Variants in AP1G2 observed in about 807,000 individuals in gnomAD.
The protein encoded by AP1G2 is AP-1 complex subunit gamma-like 2.
Under a neutral mutation model 95.8 loss-of-function variants are expected in AP1G2, and 85 were observed. That is an observed-to-expected ratio of 0.89 (90% CI 0.74 to 1.06). The LOEUF is 1.06. Ranked by LOEUF, AP1G2 falls within the 50% of genes least tolerant of loss-of-function variation. The pLI is 0.00. For synonymous variants in AP1G2, 378 were observed against 400.0 expected (o/e 0.94, Z 0.66); for missense variants, 967 against 1,005.8 (o/e 0.96, Z 0.52).
intron 17 of AP1G2, 92 bp downstream of exon 17, chr14:23,561,870 A>G: frequency 6.6e-7 from 1 of 1,505,650 alleles, no homozygotes; most frequent in Non-Finnish European, 8.9e-7. Flanking sequence ...ATGGAAGAAC[A>G]CAGGTGAGGA....
intron 14 of AP1G2, 157 bp downstream of exon 14, chr14:23,563,223 T>A: frequency 6.9e-7 from 1 of 1,448,732 alleles, no homozygotes; most frequent in Non-Finnish European, 9.1e-7. Context: ...AAAGCCCAGA[T>A]GTTCTTAAAA....
rs966010510 is a variant in AP1G2 at position 23,563,364 on chromosome 14, T to C, written c.1410+16A>G. The stretch of plus-strand genomic sequence containing the variant: ...GTGGTTGGGCAGCCCTGGGCCTAGG[T>C]AGGTGGGAATGGTACCTGGGAAATG... On this transcript the variant is annotated intron_variant, in intron 14 of 21. Coordinates refer to ENST00000397120, the MANE Select transcript of AP1G2 (RefSeq NM_003917.5). 9.5e-6 allele frequency: 15 copies of C among 1,574,202 alleles called. No homozygotes were observed. The highest frequency in any genetic ancestry group is 1.4e-5 in the African/African-American group (1 of 73,832).
rs1315150339 is a variant in AP1G2, at chr14:23,567,696, C to A, written c.-6+43G>T. ...CCCCGATTTCCATCTCAGGCAGCGG[C>A]AGCGGCAGCGACAGCCTGCCTACCC... On this transcript the variant is annotated intron_variant, in intron 1 of 21. Coordinates refer to ENST00000397120, the MANE Select transcript of AP1G2 (RefSeq NM_003917.5). This position sits in a 1 kb window ranked among gnomAD's most constrained non-coding sequence, Gnocchi z 5.3. 1 of 1,043,152 alleles carries A rather than the reference C, an allele frequency of 9.6e-7. No homozygotes were observed. The highest frequency in any genetic ancestry group is 5.9e-5 in the Admixed American group (1 of 17,086). The allele number at this position is 1,043,152 out of a possible 1,614,324, so 64.6% of individuals were successfully genotyped here. A position where few individuals can be genotyped will look rare whatever the true frequency, so the allele number is the denominator to read the frequency against.
chr14:23,561,200 A>T, intron 19 of AP1G2, 96 bp downstream of exon 19: 1 of 1,470,202 alleles, frequency 6.8e-7, no homozygotes, highest in Non-Finnish European at 9.0e-7. Context: ...ACACAGGAAG[A>T]AGCAGGGTCC....
chr14:23,562,742 AT>A lies in AP1G2; in HGVS notation c.1411-150del, dbSNP rs1458356274. The A allele has an allele frequency of 1.1e-4, 76 of 704,040 alleles. No individual in the cohort carries two copies. In the Middle Eastern group the frequency reaches 1.2e-3, roughly 11 times the overall value. 43.6% of individuals were successfully genotyped at this position (704,040 alleles called of 1,614,324 possible). A position where few individuals can be genotyped will look rare whatever the true frequency, so the allele number is the denominator to read the frequency against. ...ACAAAGCGAGACCCCCCCCATCTCT[AT>A]TTTAAAAAAAAAAAGAGAGAGAGAG... On this transcript the variant is annotated intron_variant, in intron 14 of 21. Transcript: ENST00000397120.
chr14:23,566,281 C>T lies in AP1G2; in HGVS notation c.468G>A (p.Lys156=). The T allele has an allele frequency of 8.1e-6, 13 of 1,613,926 alleles. No homozygotes were observed. The highest frequency in any genetic ancestry group is 1.0e-5 in the Non-Finnish European group (12 of 1,179,976). The change falls in exon 4 of 22, where the codon AAG becomes AAA. Residue 156 remains lysine, a synonymous_variant. Transcript: ENST00000397120. ...GCCAGGAGTCCCGCCATCTCACCTTCTTGCGCACGTAGGGACTGGGCTGCA... is the reference window on the plus strand; with the variant it reads ...GCCAGGAGTCCCGCCATCTCACCTTTTTGCGCACGTAGGGACTGGGCTGCA... The part of the protein sequence containing the change: ...LLLQPSPYVR[K]KAILTAVHMI...
chr14:23,563,256 C>CT (rs1487747968), intron 14 of AP1G2, 124 bp downstream of exon 14: 4 of 1,494,392 alleles, frequency 2.7e-6, no homozygotes, highest in Non-Finnish European at 3.6e-6. Flanking sequence ...GCTCAGATGT[C>CT]TTCTGCACTG....
chr14:23,561,948 A>G lies in AP1G2; in HGVS notation c.1733+14T>C, dbSNP rs1219332589. ...GGGTTTGGGTCCCATGCTGCAGCAC[A>G]GTGCTGGACACACCTCATGTGGTCG... On this transcript the variant is annotated intron_variant, in intron 17 of 21. Transcript: ENST00000397120. 1.9e-6 allele frequency: 3 copies of G among 1,600,050 alleles called. No individual in the cohort carries two copies. Among genetic ancestry groups the G allele is most frequent in the Non-Finnish European group, 2.6e-6 (3 of 1,173,584 alleles).
rs570493159 is a variant in AP1G2, at chr14:23,562,467, C to A, written c.1500+37G>T. 4.3e-6 allele frequency: 7 copies of A among 1,612,608 alleles called. No homozygotes were observed. The African/African-American group carries it at 9.3e-5, about 22-fold the overall frequency. On this transcript the variant is annotated intron_variant, in intron 15 of 21. Coordinates refer to ENST00000397120, the MANE Select transcript of AP1G2 (RefSeq NM_003917.5). ...CCTGGTGCAAGTCCTGTCCCCCTGA[C>A]AAGTCCCTCCTCAGTGTACCCCCAA...
At chr14:23,566,840 G>C in intron 2 of AP1G2, 154 bp from the exon 3 acceptor site, 2 of 1,176,294 alleles carry the variant, frequency 1.7e-6, no homozygotes, top group Admixed American at 4.9e-5. Flanking sequence ...GGAAATTCAG[G>C]CGTTAGTGGG....
At chr14:23,565,957 C>T (rs781546382) in intron 5 of AP1G2, 65 bp from the exon 6 acceptor site, 10 of 1,607,054 alleles carry the variant, frequency 6.2e-6, no homozygotes, top group Non-Finnish European at 8.5e-6. Flanking sequence ...TGCGTGTGTG[C>T]CTGTGTGTGT....
Position 23,567,682 on chromosome 14 carries a change from AT to A in AP1G2, c.-6+56del. ...CCGCGAGCTTCCTCCCCCGATTTCC[AT>A]CTCAGGCAGCGGCAGCGGCAGCGAC... On this transcript the variant is annotated intron_variant, in intron 1 of 21. Coordinates refer to ENST00000397120, the MANE Select transcript of AP1G2 (RefSeq NM_003917.5). This position sits in a 1 kb window ranked among gnomAD's most constrained non-coding sequence, Gnocchi z 5.3. 1 of 916,112 alleles carries A rather than the reference AT, an allele frequency of 1.1e-6. No individual in the cohort carries two copies. The highest frequency in any genetic ancestry group is 1.3e-6 in the Non-Finnish European group (1 of 762,800). 56.7% of individuals were successfully genotyped at this position (916,112 alleles called of 1,614,324 possible).
In AP1G2 at chr14:23,567,642, C is replaced by T. The variant is rs1888721118; in HGVS notation, c.-6+97G>A. On this transcript the variant is annotated intron_variant, in intron 1 of 21. Coordinates refer to ENST00000397120, the MANE Select transcript of AP1G2 (RefSeq NM_003917.5). The surrounding 1 kb of genome is among the most constrained non-coding windows in gnomAD (Gnocchi z 5.3). ...CAGCCATTGCTTTTTTTTCCACGAC[C>T]CTCCGCTGTTTCTTCCGCGAGCTTC... The T allele has an allele frequency of 9.1e-7, 1 of 1,101,626 alleles. No homozygotes were observed. The highest frequency in any genetic ancestry group is 1.6e-5 in the African/African-American group (1 of 60,636). The allele number at this position is 1,101,626 out of a possible 1,614,324, so 68.2% of individuals were successfully genotyped here.
At chr14:23,565,079 T>C (rs761198981) in intron 8 of AP1G2, 40 bp downstream of exon 8, 27 of 1,606,600 alleles carry the variant, frequency 1.7e-5, no homozygotes, top group Non-Finnish European at 2.1e-5. Flanking sequence ...TGATGGGGTC[T>C]CCAAGCAACA....
Position 23,559,855 on chromosome 14 carries a change from G to A in AP1G2, c.2257-5C>T. The A allele has an allele frequency of 1.9e-6, 3 of 1,614,044 alleles. No individual in the cohort carries two copies. Among genetic ancestry groups the A allele is most frequent in the South Asian group, 1.1e-5 (1 of 91,068 alleles). ...CAGCTTTAGCCGCAGGGGGGCCTAGGAATAGGAGAGCAGGGACCAGGGTTA... is the reference window on the plus strand; with the variant it reads ...CAGCTTTAGCCGCAGGGGGGCCTAGAAATAGGAGAGCAGGGACCAGGGTTA... On this transcript the variant is annotated splice_region_variant and splice_polypyrimidine_tract_variant and intron_variant, in intron 21 of 21. Coordinates refer to ENST00000397120, the MANE Select transcript of AP1G2 (RefSeq NM_003917.5).
In AP1G2 at chr14:23,561,425, G is replaced by A; in HGVS notation, c.1864C>T (p.Gln622Ter). The A allele has an allele frequency of 6.2e-7, 1 of 1,610,936 alleles. No homozygotes were observed. The highest frequency in any genetic ancestry group is 8.5e-7 in the Non-Finnish European group (1 of 1,177,678). ...AGGAGATCTAGCAGATCCAGGAGCTGTGAGGCCTGGCAGAAGGGACAGAAG... is the reference window on the plus strand; with the variant it reads ...AGGAGATCTAGCAGATCCAGGAGCTATGAGGCCTGGCAGAAGGGACAGAAG... ...APVPTEPQAS[Q>*]LLDLLDLLDG... is the part of the protein sequence containing the mutation. The change falls in exon 19 of 22, where the codon CAG (glutamine) becomes TAG (stop). Residue 622 changes from glutamine (Q) to a stop codon, truncating the protein, a stop_gained. Coordinates refer to ENST00000397120, the MANE Select transcript of AP1G2 (RefSeq NM_003917.5). LOFTEE classifies it high-confidence loss of function.
rs1886683117 is a variant in AP1G2 at position 23,564,361 on chromosome 14, A to C, written c.949T>G (p.Phe317Val). The change falls in exon 10 of 22, where the codon TTC becomes GTC. Residue 317 changes from phenylalanine (F) to valine (V), a missense_variant. Phe to Val is a conservative substitution (Grantham distance 50). Transcript: ENST00000397120. Reference protein sequence around the residue: ...RVLAVNILGRFLLNSDRNIRY... With the variant: ...RVLAVNILGRVLLNSDRNIRY... ...ATGTTCCTGTCACTGTTGAGTAGGA[A>C]GCGACCAAGAATGTTGACAGCTAGA... 1 of 1,614,182 alleles carries C rather than the reference A, an allele frequency of 6.2e-7. No individual in the cohort carries two copies. Among genetic ancestry groups the C allele is most frequent in the African/African-American group, 1.3e-5 (1 of 75,022 alleles).
In AP1G2 at chr14:23,563,651, T is replaced by C. The variant is rs996120452; in HGVS notation, c.1233-13A>G. ...GGTTGGAGCAAACCTAGGGGATATATGGCTCATCAGTCCTGGTACTGACGC... is the reference window on the plus strand; with the variant it reads ...GGTTGGAGCAAACCTAGGGGATATACGGCTCATCAGTCCTGGTACTGACGC... On this transcript the variant is annotated splice_polypyrimidine_tract_variant and intron_variant, in intron 12 of 21. Transcript: ENST00000397120. 1 of 1,614,212 alleles carries C rather than the reference T, an allele frequency of 6.2e-7. No homozygotes were observed. Among genetic ancestry groups the C allele is most frequent in the Non-Finnish European group, 8.5e-7 (1 of 1,180,042 alleles).
chr14:23,559,838 G>A lies in AP1G2; in HGVS notation c.2269C>T (p.Leu757=). 6.2e-7 allele frequency: 1 copy of A among 1,614,128 alleles called. No individual in the cohort carries two copies. Among genetic ancestry groups the A allele is most frequent in the Non-Finnish European group, 8.5e-7 (1 of 1,180,028 alleles). The change falls in exon 22 of 22, where the codon CTA becomes TTA. Residue 757 remains leucine (L), a synonymous_variant. Coordinates refer to ENST00000397120, the MANE Select transcript of AP1G2 (RefSeq NM_003917.5). ...TGGTCGTAGGTGAGGCGCAGCTTTA[G>A]CCGCAGGGGGGCCTAGGAATAGGAG... ...ILNPNKAPLR[L]KLRLTYDHFH...
Sources: allele counts gnomAD v4.1 joint callset, GRCh38; gene constraint gnomAD v4.1.1; non-coding constraint Gnocchi (gnomAD v3.1); transcripts MANE v1.5; gene names NCBI Gene and HGNC (gene_info 2026-07-23, HGNC 2026-07-21).